The following CFAP299 variants were observed in gnomAD, a reference collection of about 807,000 sequenced individuals.
The protein encoded by CFAP299 is cilia- and flagella-associated protein 299.
CFAP299 carries 21 observed loss-of-function variants against 27.0 expected under a neutral mutation model. That is an observed-to-expected ratio of 0.78 (90% CI 0.55 to 1.12). The LOEUF (loss-of-function observed/expected upper bound fraction) is 1.12. Ranked by LOEUF, CFAP299 falls within the 50% of genes most tolerant of loss-of-function variation. CFAP299 has a pLI of 0.00. For synonymous variants in CFAP299, 104 were observed against 98.1 expected, an observed-to-expected ratio of 1.06 and a Z score of -0.36; for missense variants, 310 against 276.6, an observed-to-expected ratio of 1.12 and a Z score of -0.86.
chr4:80,422,081 A>G (rs910674840), intron 2 of CFAP299, among the ~76,000 whole-genome samples: 1 of 152,192 alleles, frequency 6.6e-6, no homozygotes, highest in Non-Finnish European at 1.5e-5. Flanking sequence ...ATGGATAATT[A>G]TGAAAGACAG....
At chr4:80,836,275 C>T (rs776738561) in intron 3 of CFAP299, among the ~76,000 whole-genome samples, 2 of 152,098 alleles carry the variant, frequency 1.3e-5, no homozygotes, top group Non-Finnish European at 2.9e-5. Flanking sequence ...GCTTTCTATG[C>T]TGCTTATAAA....
In CFAP299 at chr4:80,810,519, GAGA is replaced by G. The variant is rs1729094385; in HGVS notation, c.334-59470_334-59468del. 2.0e-5 allele frequency among the ~76,000 whole-genome samples: 3 copies of G among 151,998 alleles called. No homozygotes were observed. The South Asian group carries it at 6.2e-4, about 32-fold the overall frequency. On this transcript the variant is annotated intron_variant, in intron 3 of 5. Transcript: ENST00000358105. ...TACATCAATTCACTTCTAAGAAGAG[GAGA>G]AGATGCAGAGAGACACAGAGAAGAA...
chr4:80,445,157 A>G (rs1261293180), intron 2 of CFAP299, among the ~76,000 whole-genome samples: 2 of 152,252 alleles, frequency 1.3e-5, no homozygotes, highest in African/African-American at 4.8e-5. Flanking sequence ...CATTTGACCC[A>G]GCAATCCCAT....
At chr4:80,629,226 A>G (rs770752580) in intron 3 of CFAP299, among the ~76,000 whole-genome samples, 1 of 152,060 alleles carries the variant, frequency 6.6e-6, no homozygotes, top group Non-Finnish European at 1.5e-5. Flanking sequence ...GACAAATACC[A>G]CCTGATCTTG....
chr4:80,534,414 C>T (rs1443566684), intron 2 of CFAP299, among the ~76,000 whole-genome samples: 5 of 151,042 alleles, frequency 3.3e-5, no homozygotes, highest in Admixed American at 3.3e-4. Flanking sequence ...AGAGATATTC[C>T]ATCTCATCTA....
chr4:80,828,492 G>A (rs1229905520), intron 3 of CFAP299, among the ~76,000 whole-genome samples: 1 of 152,044 alleles, frequency 6.6e-6, no homozygotes, highest in African/African-American at 2.4e-5. Flanking sequence ...CAATGCTGGA[G>A]GCAGGGCTTG....
intron 3 of CFAP299, among the ~76,000 whole-genome samples, chr4:80,761,859 TAGG>T (rs1288109845): frequency 4.6e-5 from 7 of 151,966 alleles, no homozygotes; most frequent in Non-Finnish European, 1.0e-4. Context: ...AAGAAAATAT[TAGG>T]AGAGCATAGA....
At chr4:80,930,996 T>A (rs76558090) in intron 4 of CFAP299, among the ~76,000 whole-genome samples, 39 of 152,274 alleles carry the variant, frequency 2.6e-4, no homozygotes, top group African/African-American at 9.2e-4. Flanking sequence ...TCTTGTATTG[T>A]TAGAATTATC....
chr4:80,518,519 G>T (rs770694829), intron 2 of CFAP299, among the ~76,000 whole-genome samples: 2 of 152,074 alleles, frequency 1.3e-5, no homozygotes, highest in Admixed American at 6.5e-5. Flanking sequence ...ATACAGTAAA[G>T]GTGCTCAGAA....
At chr4:80,782,852 AG>A (rs1241631728) in intron 3 of CFAP299, among the ~76,000 whole-genome samples, 2 of 151,268 alleles carry the variant, frequency 1.3e-5, no homozygotes, top group African/African-American at 4.8e-5. Flanking sequence ...TACATATATC[AG>A]TGTATCCATA....
intron 2 of CFAP299, among the ~76,000 whole-genome samples, chr4:80,457,121 C>A (rs1429302897): frequency 6.6e-6 from 1 of 151,884 alleles, no homozygotes. Flanking sequence ...CAAAATGTAG[C>A]CACTTCAAAT....
intron 3 of CFAP299, among the ~76,000 whole-genome samples, chr4:80,688,071 G>A (rs1376838827): frequency 6.6e-6 from 1 of 152,230 alleles, no homozygotes; most frequent in Non-Finnish European, 1.5e-5. Flanking sequence ...TGGTAGCACA[G>A]CAGTCTGAGA....
chr4:80,884,945 A>G (rs989260189), intron 4 of CFAP299, among the ~76,000 whole-genome samples: 1 of 152,236 alleles, frequency 6.6e-6, no homozygotes, highest in East Asian at 1.9e-4. Flanking sequence ...TATCGCTAAA[A>G]GAAGCATGGA....
the CFAP299 span, among the ~76,000 whole-genome samples, chr4:80,327,693 TATATATATATA>T: frequency 4.0e-5 from 1 of 24,934 alleles, no homozygotes; most frequent in South Asian, 1.1e-3. Context: ...AGAGAAGTTA[TATATATATATA>T]TATATATATA....
intron 2 of CFAP299, among the ~76,000 whole-genome samples, chr4:80,576,155 G>T (rs185289568): frequency 0.01 from 1,464 of 145,770 alleles, 20 homozygotes; most frequent in South Asian, 0.073. Context: ...TGCACATTGT[G>T]CACATGTACC....
intron 2 of CFAP299, among the ~76,000 whole-genome samples, chr4:80,443,013 A>C (rs1373384227): frequency 6.6e-6 from 1 of 152,250 alleles, no homozygotes; most frequent in Non-Finnish European, 1.5e-5. Context: ...GAATAGACTA[A>C]TAACAAGTTC....
intron 4 of CFAP299, among the ~76,000 whole-genome samples, chr4:80,889,011 CAAAAAAAA>C (rs35328435): frequency 5.1e-4 from 27 of 52,712 alleles, no homozygotes; most frequent in African/African-American, 1.8e-3. Context: ...AGTGCCTAAG[CAAAAAAAA>C]AAAAAAAAAA....
chr4:80,715,101 T>C (rs896553504), intron 3 of CFAP299, among the ~76,000 whole-genome samples: 2 of 152,064 alleles, frequency 1.3e-5, no homozygotes, highest in Non-Finnish European at 1.5e-5. Flanking sequence ...ACCCAATAAA[T>C]CTTAGTTTCT....
chr4:80,608,166 C>G (rs1351692698), intron 3 of CFAP299, among the ~76,000 whole-genome samples: 2 of 151,910 alleles, frequency 1.3e-5, no homozygotes, highest in African/African-American at 4.8e-5. Context: ...TATGAGCTAT[C>G]TAATTTTTTT....
Sources: gnomAD v4.1 joint callset for allele counts (sites outside exome capture counted in the v4.1 genomes callset) on GRCh38, gnomAD v4.1.1 for gene constraint, MANE v1.5 for transcripts, NCBI Gene and HGNC (gene_info 2026-07-23, HGNC 2026-07-21) for gene names.